TLR5: variants seen among roughly 807,000 people sequenced by gnomAD.
TLR5 encodes the protein toll-like receptor 5.
For missense variants in TLR5, 944 were observed against 999.8 expected, an observed-to-expected ratio of 0.94 and a Z score of 0.75; for synonymous variants, 373 against 384.4, an observed-to-expected ratio of 0.97 and a Z score of 0.35.
At chr1:223,115,923 C>G (rs566972959) in intron 5 of TLR5, among the ~76,000 whole-genome samples, 2 of 152,176 alleles carry the variant, frequency 1.3e-5, no homozygotes, top group African/African-American at 4.8e-5. Context: ...ACACATGGTA[C>G]GCATTCCAAA....
Position 223,111,153 on chromosome 1 carries a change from C to T in TLR5, c.1879G>A (p.Glu627Lys). 1 of 1,614,146 alleles carries T rather than the reference C, an allele frequency of 6.2e-7. No individual in the cohort carries two copies. Among genetic ancestry groups the T allele is most frequent in the African/African-American group, 1.3e-5 (1 of 75,024 alleles). ...SGVSLFSLST[E>K]GCDEEEVLKS... ...AAGACTTCCTCTTCATCACAACCTT[C>T]CGTGGAAAGAGAGAAGAGGGAAACC... The change falls in exon 6 of 6, where the codon GAA (glutamate) becomes AAA (lysine). Residue 627 changes from glutamate to lysine, a missense_variant. Glu to Lys is a moderately conservative substitution (Grantham distance 56, BLOSUM62 1). Coordinates refer to ENST00000642603, the MANE Select transcript of TLR5 (RefSeq NM_003268.6).
intron 5 of TLR5, among the ~76,000 whole-genome samples, chr1:223,122,983 G>A (rs1657011850): frequency 6.6e-6 from 1 of 152,178 alleles, no homozygotes. Flanking sequence ...TCCAAACACA[G>A]ACCGTAGTTT....
intron 2 of TLR5, among the ~76,000 whole-genome samples, chr1:223,140,427 G>A (rs951018456): frequency 6.6e-6 from 1 of 151,872 alleles, no homozygotes; most frequent in African/African-American, 2.4e-5. Context: ...CGTGACTGTA[G>A]TCTCAGCTAC....
chr1:223,126,665 C>T (rs1226839152), intron 5 of TLR5, among the ~76,000 whole-genome samples: 1 of 152,182 alleles, frequency 6.6e-6, no homozygotes, highest in East Asian at 1.9e-4. Flanking sequence ...TCAGGCCATG[C>T]TCTGAGAAGT....
At chr1:223,117,133 C>T (rs553803553) in intron 5 of TLR5, among the ~76,000 whole-genome samples, 35 of 152,272 alleles carry the variant, frequency 2.3e-4, no homozygotes, top group Middle Eastern at 3.4e-3. Context: ...GTCGAGAATT[C>T]GAGTGTGGCG....
intron 5 of TLR5, among the ~76,000 whole-genome samples, chr1:223,120,029 A>G (rs1656883446): frequency 6.6e-6 from 1 of 150,700 alleles, no homozygotes. Flanking sequence ...AAAAGATATC[A>G]ACACAACAGA....
intron 2 of TLR5, among the ~76,000 whole-genome samples, chr1:223,138,475 G>C (rs780970734): frequency 6.6e-6 from 1 of 151,922 alleles, no homozygotes; most frequent in Non-Finnish European, 1.5e-5. Flanking sequence ...CTCTGCTTCA[G>C]GCTTCTTCCA....
chr1:223,112,949 C>T lies in TLR5; in HGVS notation c.83G>A (p.Gly28Asp), dbSNP rs773670907. The T allele has an allele frequency of 6.2e-7, 1 of 1,614,126 alleles. No homozygotes were observed. The highest frequency in any genetic ancestry group is 8.5e-7 in the Non-Finnish European group (1 of 1,180,036). The change falls in exon 6 of 6, where the codon GGC becomes GAC. Residue 28 changes from glycine to aspartate, a missense_variant. Transcript: ENST00000642603. ...GCAGAAACGATAAAAGGCTATTCGG[C>T]CATCAAAGGAGCAGGAAGGAATTCC... ...VFGIPSCSFD[G>D]RIAFYRFCNL...
chr1:223,124,447 CAAAAAA>C (rs71178531), intron 5 of TLR5, among the ~76,000 whole-genome samples: 8 of 141,680 alleles, frequency 5.6e-5, no homozygotes, highest in Non-Finnish European at 1.5e-5. Context: ...CCGTCTAAAA[CAAAAAA>C]AAAAAAGAAA....
At chr1:223,115,113 T>C (rs1656563031) in intron 5 of TLR5, among the ~76,000 whole-genome samples, 2 of 152,234 alleles carry the variant, frequency 1.3e-5, no homozygotes, top group Admixed American at 1.3e-4. Flanking sequence ...TCCTTCCTGC[T>C]GTACTTGGAA....
At chr1:223,138,493 C>A (rs1010516216) in intron 2 of TLR5, among the ~76,000 whole-genome samples, 5 of 152,110 alleles carry the variant, frequency 3.3e-5, no homozygotes, top group African/African-American at 4.8e-5. Flanking sequence ...CCATCAGTGA[C>A]CACATTTGCT....
Position 223,112,714 on chromosome 1 carries a change from C to G in TLR5, c.318G>C (p.Lys106Asn). 2 of 1,614,200 alleles carry G rather than the reference C, an allele frequency of 1.2e-6. No individual in the cohort carries two copies. The highest frequency in any genetic ancestry group is 1.7e-6 in the Non-Finnish European group (2 of 1,180,026). Reference sequence around the variant, plus strand: ...AAGCATCTGGATGCAAGAAGTATATCTTACTACTTCCCAGGTCCAAGATTC... The same window carrying G: ...AAGCATCTGGATGCAAGAAGTATATGTTACTACTTCCCAGGTCCAAGATTC... ...NLRILDLGSSKIYFLHPDAFQ... is the reference protein window; with the variant it reads ...NLRILDLGSSNIYFLHPDAFQ... Residue 106 changes from lysine to asparagine, a missense_variant, in exon 6 of 6, where the codon AAG becomes AAC. Coordinates refer to ENST00000642603, the MANE Select transcript of TLR5 (RefSeq NM_003268.6).
At position 223,131,633 on chromosome 1, in the gene TLR5, G is replaced by A. The variant is rs562607597; in HGVS notation, c.-5+842C>T. ...GGCTAGAGTGCAGTGGTGCAATCAG[G>A]GCTTACTGCAGCCACAATCTCCTGG... On this transcript the variant is annotated intron_variant, in intron 5 of 5. Coordinates refer to ENST00000642603, the MANE Select transcript of TLR5 (RefSeq NM_003268.6). This position sits in a 1 kb window ranked among gnomAD's most constrained non-coding sequence, Gnocchi z 4.2. 3.6e-4 allele frequency among the ~76,000 whole-genome samples: 55 copies of A among 152,096 alleles called. No homozygotes were observed. The highest frequency in any genetic ancestry group is 5.7e-4 in the Non-Finnish European group (39 of 68,016).
At chr1:223,127,658 C>T (rs1657224349) in intron 5 of TLR5, 1 of 152,270 alleles carries the variant, frequency 6.6e-6, no homozygotes, top group South Asian at 2.1e-4. Flanking sequence ...TCAGCACTTG[C>T]TCCCCAGGTG....
At chr1:223,118,122 T>G (rs72748475) in intron 5 of TLR5, among the ~76,000 whole-genome samples, 3,226 of 152,280 alleles carry the variant, frequency 0.021, 40 homozygotes, top group Non-Finnish European at 0.03. Flanking sequence ...TTGGGAGACA[T>G]GAGACATCAG....
chr1:223,111,970 C>A lies in TLR5; in HGVS notation c.1062G>T (p.Ser354=). The change falls in exon 6 of 6, where the codon TCG becomes TCT. Residue 354 remains serine (S), a synonymous_variant. Transcript: ENST00000642603. The part of the protein sequence containing the change: ...SYNLLGELYS[S]NFYGLPKVAY... Reference sequence around the variant, plus strand: ...CTACCTTAGGTAGTCCATAGAAATTCGAACTGTAAAGTTCCCCCAGAAGGT... The same window carrying A: ...CTACCTTAGGTAGTCCATAGAAATTAGAACTGTAAAGTTCCCCCAGAAGGT... The A allele has an allele frequency of 6.2e-7, 1 of 1,614,108 alleles. No homozygotes were observed. Among genetic ancestry groups the A allele is most frequent in the South Asian group, 1.1e-5 (1 of 91,066 alleles).
At chr1:223,136,563 G>A (rs1317770848) in intron 3 of TLR5, among the ~76,000 whole-genome samples, 3 of 152,216 alleles carry the variant, frequency 2.0e-5, no homozygotes, top group African/African-American at 7.2e-5. Context: ...AGAAAAGGTA[G>A]TCTTGAAGCT....
At chr1:223,127,334 A>G (rs1381973008) in intron 5 of TLR5, 1 of 152,176 alleles carries the variant, frequency 6.6e-6, no homozygotes, top group Non-Finnish European at 1.5e-5. Context: ...AAAAACACTA[A>G]TGCATTTCCA....
intron 2 of TLR5, among the ~76,000 whole-genome samples, chr1:223,139,985 TG>T (rs1343367209): frequency 1.3e-5 from 2 of 152,186 alleles, no homozygotes; most frequent in Non-Finnish European, 2.9e-5. Context: ...CCTATGTAAG[TG>T]AGACACAGCT....
Sources: gnomAD v4.1 joint callset for allele counts (sites outside exome capture counted in the v4.1 genomes callset) on GRCh38, gnomAD v4.1.1 for gene constraint, Gnocchi (gnomAD v3.1) non-coding constraint, MANE v1.5 for transcripts, NCBI Gene and HGNC (gene_info 2026-07-23, HGNC 2026-07-21) for gene names.